CNTNAP2: variants seen among roughly 807,000 people sequenced by gnomAD.
CNTNAP2 encodes the protein contactin-associated protein-like 2.
CNTNAP2 carries 98 observed loss-of-function variants against 155.2 expected under a neutral mutation model. That is an observed-to-expected ratio of 0.63 (90% confidence interval 0.54 to 0.75). The LOEUF is 0.75. Among genes scored for constraint, CNTNAP2 ranks in the 30% least tolerant of loss-of-function variants. The probability of loss-of-function intolerance (pLI) is 0.00; values close to 1 mark genes in which losing one functional copy is unlikely to be tolerated. For missense variants in CNTNAP2, 1,727 were observed against 1,688.1 expected (o/e 1.02, Z -0.40); for synonymous variants, 651 against 631.2 (o/e 1.03, Z -0.47).
intron 18 of CNTNAP2, 120 bp downstream of exon 18, chr7:148,172,598 T>A (rs1167126849): frequency 1.0e-6 from 1 of 963,374 alleles, no homozygotes; most frequent in Non-Finnish European, 1.7e-6. Flanking sequence ...ATGATCAGAA[T>A]TTTTCTCTCA....
intron 2 of CNTNAP2, among the ~76,000 whole-genome samples, chr7:146,825,168 C>G (rs1483706888): frequency 6.6e-6 from 1 of 152,020 alleles, no homozygotes; most frequent in South Asian, 2.1e-4. Context: ...AAGTTAATAT[C>G]AAAACACACC....
At chr7:146,622,142 T>TAC (rs1445937560) in intron 1 of CNTNAP2, among the ~76,000 whole-genome samples, 2 of 114,172 alleles carry the variant, frequency 1.8e-5, no homozygotes, top group Non-Finnish European at 3.7e-5. Flanking sequence ...TATATATATA[T>TAC]ACACACACGT....
At chr7:148,006,316 CTT>C (rs68011639) in intron 15 of CNTNAP2, among the ~76,000 whole-genome samples, 171 of 118,978 alleles carry the variant, frequency 1.4e-3, no homozygotes, top group African/African-American at 5.1e-3. Flanking sequence ...ATAGGAAGTT[CTT>C]TTTTTTTTTT....
At chr7:147,489,381 T>C (rs941050258) in intron 11 of CNTNAP2, among the ~76,000 whole-genome samples, 2 of 151,054 alleles carry the variant, frequency 1.3e-5, no homozygotes, top group Non-Finnish European at 2.9e-5. Flanking sequence ...GTTTTTGTCG[T>C]TTAAGAACAA....
At chr7:148,122,842 C>A (rs915448643) in intron 16 of CNTNAP2, among the ~76,000 whole-genome samples, 8 of 146,884 alleles carry the variant, frequency 5.4e-5, no homozygotes, top group Non-Finnish European at 1.0e-4. Flanking sequence ...GAGCACAGAG[C>A]AAGAATACAT....
chr7:146,682,825 C>A (rs1347785933), intron 1 of CNTNAP2, among the ~76,000 whole-genome samples: 1 of 152,120 alleles, frequency 6.6e-6, no homozygotes, highest in Non-Finnish European at 1.5e-5. Flanking sequence ...ATATTAAAGA[C>A]CTTCTTTTGT....
chr7:147,116,497 G>C (rs1563082209), intron 5 of CNTNAP2, among the ~76,000 whole-genome samples: 1 of 152,190 alleles, frequency 6.6e-6, no homozygotes, highest in Non-Finnish European at 1.5e-5. Context: ...ACACAGGCAG[G>C]GGTGGCCAGA....
rs531203259 is a variant in CNTNAP2 at position 147,037,781 on chromosome 7, G to A, written c.403-6126G>A. On this transcript the variant is annotated intron_variant, in intron 3 of 23. Coordinates refer to ENST00000361727, the MANE Select transcript of CNTNAP2 (RefSeq NM_014141.6). The stretch of plus-strand genomic sequence containing the variant: ...CTATACTAGAACCGTTTAAATAATA[G>A]ATATATACATGTTAGACGTTGTTTT... Among the ~76,000 whole-genome samples the A allele has an allele frequency of 8.9e-4, 135 of 152,194 alleles. 1 individual carries two copies. Among genetic ancestry groups the A allele is most frequent in the Middle Eastern group, 6.8e-3 (2 of 294 alleles).
chr7:146,273,723 A>G (rs566051670), intron 1 of CNTNAP2, among the ~76,000 whole-genome samples: 21 of 152,218 alleles, frequency 1.4e-4, no homozygotes, highest in African/African-American at 4.1e-4. Flanking sequence ...AGAACAAGGG[A>G]AAGAACACCT....
rs551219980 is a variant in CNTNAP2, at chr7:147,067,883, A to G, written c.550+23829A>G. Among the ~76,000 whole-genome samples, 9 of 152,316 alleles carry G rather than the reference A, an allele frequency of 5.9e-5. No individual in the cohort carries two copies. The East Asian group carries it at 1.5e-3, about 26-fold the overall frequency. On this transcript the variant is annotated intron_variant, in intron 4 of 23. Coordinates refer to ENST00000361727, the MANE Select transcript of CNTNAP2 (RefSeq NM_014141.6). ...TTGTGTTAGTTTCTTATATGGCACA[A>G]TTTCCACAAACTTATGCCTTAGAAC...
intron 1 of CNTNAP2, among the ~76,000 whole-genome samples, chr7:146,497,525 G>A (rs1324541116): frequency 1.3e-5 from 2 of 151,916 alleles, no homozygotes; most frequent in African/African-American, 4.8e-5. Flanking sequence ...TAGTTCCTGA[G>A]TCTACAGTGT....
chr7:147,528,135 C>T (rs897441063), intron 11 of CNTNAP2, among the ~76,000 whole-genome samples: 1 of 152,058 alleles, frequency 6.6e-6, no homozygotes, highest in Admixed American at 6.5e-5. Context: ...TCCCTTTGAG[C>T]CCAAGGAAGT....
chr7:147,147,088 T>A (rs977355986), intron 8 of CNTNAP2, among the ~76,000 whole-genome samples: 1 of 152,088 alleles, frequency 6.6e-6, no homozygotes, highest in Non-Finnish European at 1.5e-5. Flanking sequence ...CTCGGGAAAC[T>A]TACAATCATG....
At chr7:146,331,081 GA>G (rs1801177692) in intron 1 of CNTNAP2, among the ~76,000 whole-genome samples, 1 of 152,004 alleles carries the variant, frequency 6.6e-6, no homozygotes, top group Admixed American at 6.6e-5. Context: ...GAGTCGGGCG[GA>G]TCACGAGGTC....
At chr7:148,021,191 T>TTTCG (rs1554462885) in intron 15 of CNTNAP2, among the ~76,000 whole-genome samples, 1 of 151,582 alleles carries the variant, frequency 6.6e-6, no homozygotes, top group Non-Finnish European at 1.5e-5. Flanking sequence ...AGGTTTTTTG[T>TTTCG]TTTTGTTTTG....
At chr7:148,234,962 A>G (rs923970552) in intron 20 of CNTNAP2, among the ~76,000 whole-genome samples, 20 of 152,208 alleles carry the variant, frequency 1.3e-4, no homozygotes, top group African/African-American at 4.8e-4. Context: ...CTAGAGGGCC[A>G]TCTTATCTTT....
chr7:148,243,091 C>T (rs138466267), intron 20 of CNTNAP2, among the ~76,000 whole-genome samples: 518 of 152,256 alleles, frequency 3.4e-3, no homozygotes, highest in African/African-American at 0.012. Flanking sequence ...AACACATGAG[C>T]GAATGGCTGC....
intron 13 of CNTNAP2, among the ~76,000 whole-genome samples, chr7:147,778,643 G>C (rs1797622675): frequency 6.6e-6 from 1 of 152,122 alleles, no homozygotes; most frequent in Non-Finnish European, 1.5e-5. Context: ...TCCATTTGCA[G>C]ATGTTCCAGA....
chr7:146,812,163 C>A (rs553275603), intron 2 of CNTNAP2, among the ~76,000 whole-genome samples: 1 of 152,080 alleles, frequency 6.6e-6, no homozygotes, highest in African/African-American at 2.4e-5. Context: ...CAGAAGAAGA[C>A]AGGAAAATGT....
Sources: allele counts gnomAD v4.1 joint callset (sites outside exome capture counted in the v4.1 genomes callset), GRCh38; gene constraint gnomAD v4.1.1; transcripts MANE v1.5; gene names NCBI Gene and HGNC (gene_info 2026-07-23, HGNC 2026-07-21).